Variants in GARIN2 observed in about 807,000 individuals in gnomAD.
GARIN2 encodes golgi associated RAB2 interactor family member 2, also known as Golgi-associated RAB2 interactor protein 2.
At chr14:67,224,493 C>T in the GARIN2 span, 1 of 169,992 alleles carries the variant, frequency 5.9e-6, no homozygotes, top group Admixed American at 6.2e-5. Flanking sequence ...ATCTCCTGAC[C>T]TCATGATCCG....
At chr14:67,193,454 TATATCTAG>T in the GARIN2 span, among the ~76,000 whole-genome samples, 41 of 143,294 alleles carry the variant, frequency 2.9e-4, no homozygotes, top group South Asian at 2.2e-3. Flanking sequence ...CAGATCTCTA[TATATCTAG>T]ATATCTAGAT....
chr14:67,222,156 C>T, the GARIN2 span: 1 of 232,464 alleles, frequency 4.3e-6, no homozygotes, highest in African/African-American at 2.3e-5. Flanking sequence ...AATCATAGGA[C>T]CTGCCATCCT....
At chr14:67,199,175 A>G in the GARIN2 span, 81 of 1,603,550 alleles carry the variant, frequency 5.1e-5, no homozygotes, top group Non-Finnish European at 6.7e-5. Context: ...AGGCTGGACC[A>G]GTAGTCAACA....
At chr14:67,193,576 T>TATATATAGATATAGATATATATCTATAG in the GARIN2 span, among the ~76,000 whole-genome samples, 6 of 144,642 alleles carry the variant, frequency 4.1e-5, no homozygotes, top group Admixed American at 6.9e-5. Context: ...TATATAGATC[T>TATATATAGATATAGATATATATCTATAG]ATATATAGAT....
chr14:67,193,563 A>G, the GARIN2 span, among the ~76,000 whole-genome samples: 1 of 144,740 alleles, frequency 6.9e-6, no homozygotes, highest in Non-Finnish European at 1.5e-5. Context: ...ATAGATCTAT[A>G]TCTATATAGA....
At chr14:67,223,155 A>C in the GARIN2 span, among the ~76,000 whole-genome samples, 23,765 of 151,932 alleles carry the variant, frequency 0.16, 3,506 homozygotes, top group East Asian at 0.42. Context: ...ACCCGCCACC[A>C]TGCCTGGCTA....
the GARIN2 span, among the ~76,000 whole-genome samples, chr14:67,217,940 G>A: frequency 6.6e-6 from 1 of 152,138 alleles, no homozygotes; most frequent in Non-Finnish European, 1.5e-5. Flanking sequence ...CACAGGGAAA[G>A]ACTTATTTAT....
At chr14:67,204,046 A>G in the GARIN2 span, among the ~76,000 whole-genome samples, 2 of 152,270 alleles carry the variant, frequency 1.3e-5, no homozygotes, top group East Asian at 1.9e-4. Context: ...AGCCTTAGGC[A>G]TATGATTAAG....
chr14:67,203,325 C>A, the GARIN2 span: 1 of 1,517,448 alleles, frequency 6.6e-7, no homozygotes. Context: ...TTAAAGATCT[C>A]TCAGAAGATG....
At chr14:67,208,428 C>T in the GARIN2 span, 477 of 1,613,674 alleles carry the variant, frequency 3.0e-4, no homozygotes, top group African/African-American at 5.8e-3. Context: ...CAGAGCACAG[C>T]TCTCAAGGCT....
chr14:67,198,285 G>A, the GARIN2 span: 1 of 1,613,774 alleles, frequency 6.2e-7, no homozygotes, highest in Non-Finnish European at 8.5e-7. Flanking sequence ...TGCCCCTTTT[G>A]TATCTCCTCC....
At chr14:67,204,417 G>A in the GARIN2 span, 19 of 1,349,558 alleles carry the variant, frequency 1.4e-5, no homozygotes, top group South Asian at 3.3e-4. Context: ...ACTCCAACGT[G>A]GGCAACAGAG....
At chr14:67,225,612 C>T in the GARIN2 span, among the ~76,000 whole-genome samples, 2 of 152,016 alleles carry the variant, frequency 1.3e-5, no homozygotes, top group South Asian at 4.1e-4. Context: ...ACAATCAAGA[C>T]CTCTTTTTTT....
At chr14:67,222,766 A>T in the GARIN2 span, among the ~76,000 whole-genome samples, 7 of 152,150 alleles carry the variant, frequency 4.6e-5, no homozygotes, top group African/African-American at 1.7e-4. Context: ...GTTACTTTCA[A>T]ACCTGGGAGA....
At chr14:67,204,966 C>T in the GARIN2 span, 1 of 1,596,368 alleles carries the variant, frequency 6.3e-7, no homozygotes, top group African/African-American at 1.3e-5. Flanking sequence ...TAAGAATTGT[C>T]ACAGAAGTCA....
At chr14:67,207,396 T>TA in the GARIN2 span, among the ~76,000 whole-genome samples, 1 of 152,006 alleles carries the variant, frequency 6.6e-6, no homozygotes, top group East Asian at 1.9e-4. Context: ...CGCATCAACT[T>TA]AGAGTGAGAA....
chr14:67,205,832 G>T, the GARIN2 span, among the ~76,000 whole-genome samples: 2 of 152,130 alleles, frequency 1.3e-5, no homozygotes, highest in Non-Finnish European at 2.9e-5. Flanking sequence ...ATGGCAGGAT[G>T]GATTATAGGT....
the GARIN2 span, among the ~76,000 whole-genome samples, chr14:67,220,253 T>C: frequency 5.3e-5 from 8 of 152,008 alleles, no homozygotes; most frequent in African/African-American, 1.4e-4. Context: ...CTGGGCAATA[T>C]GTCAAGACCC....
the GARIN2 span, among the ~76,000 whole-genome samples, chr14:67,206,125 A>G: frequency 6.6e-6 from 1 of 152,130 alleles, no homozygotes; most frequent in East Asian, 1.9e-4. Flanking sequence ...CAGAAGGTGC[A>G]GTGAGCCGAG....
Sources: allele counts gnomAD v4.1 joint callset (sites outside exome capture counted in the v4.1 genomes callset), GRCh38; gene constraint gnomAD v4.1.1; transcripts MANE v1.5; gene names NCBI Gene and HGNC (gene_info 2026-07-23, HGNC 2026-07-21).